SEPTIN10: variants seen among roughly 807,000 people sequenced by gnomAD.
SEPTIN10 encodes septin 10.
In SEPTIN10, 66 loss-of-function variants were observed where a neutral mutation model predicts 54.8. That is an observed-to-expected ratio of 1.21 (90% confidence interval 0.99 to 1.48). The LOEUF (loss-of-function observed/expected upper bound fraction) is 1.48. SEPTIN10 is among the 40% of genes most tolerant of loss of function. SEPTIN10 has a pLI of 0.00. For missense variants in SEPTIN10, 620 were observed against 545.6 expected (o/e 1.14, Z -1.36); for synonymous variants, 161 against 181.0 (o/e 0.89, Z 0.89).
intron 2 of SEPTIN10, 118 bp downstream of exon 2, chr2:109,592,933 G>C (rs993183816): frequency 3.8e-6 from 2 of 526,314 alleles, no homozygotes; most frequent in Non-Finnish European, 6.4e-6. Flanking sequence ...ATTCACGTTG[G>C]AGGTAAGTAC....
chr2:109,574,927 T>C (rs769032886), intron 4 of SEPTIN10, among the ~76,000 whole-genome samples, 160 bp from the exon 5 acceptor site: 2 of 152,244 alleles, frequency 1.3e-5, no homozygotes, highest in Non-Finnish European at 2.9e-5. Context: ...GTGCAGAACA[T>C]GCGCAAAAGC....
chr2:109,598,124 G>A (rs972058254), intron 1 of SEPTIN10, among the ~76,000 whole-genome samples: 3 of 152,016 alleles, frequency 2.0e-5, no homozygotes, highest in Non-Finnish European at 4.4e-5. Context: ...GTGCAATGGC[G>A]TGATCTCAGC....
intron 9 of SEPTIN10, among the ~76,000 whole-genome samples, chr2:109,549,736 T>C (rs912989152): frequency 6.6e-6 from 1 of 152,200 alleles, no homozygotes; most frequent in Non-Finnish European, 1.5e-5. Context: ...CCCTATGTTT[T>C]TTCCTATATA....
intron 6 of SEPTIN10, among the ~76,000 whole-genome samples, chr2:109,566,859 TAAA>T (rs1366214588): frequency 2.6e-5 from 4 of 152,198 alleles, no homozygotes; most frequent in African/African-American, 9.6e-5. Context: ...AAGTCTAATG[TAAA>T]AATTATTAAT....
chr2:109,567,232 A>G (rs1687244600), intron 6 of SEPTIN10, among the ~76,000 whole-genome samples: 1 of 152,202 alleles, frequency 6.6e-6, no homozygotes, highest in Non-Finnish European at 1.5e-5. Flanking sequence ...AGTAACTCCA[A>G]TGGACATATG....
intron 1 of SEPTIN10, among the ~76,000 whole-genome samples, chr2:109,607,667 G>A (rs1398233650): frequency 6.6e-6 from 1 of 151,884 alleles, no homozygotes; most frequent in Non-Finnish European, 1.5e-5. Context: ...CTCCTGAGGG[G>A]GTAATAATGA....
chr2:109,581,523 T>C (rs555245594), intron 4 of SEPTIN10, among the ~76,000 whole-genome samples: 1 of 148,296 alleles, frequency 6.7e-6, no homozygotes, highest in Non-Finnish European at 1.5e-5. Context: ...TAAAGAAAGG[T>C]CTGGGAAAAA....
chr2:109,564,442 G>A lies in SEPTIN10; in HGVS notation c.952C>T (p.His318Tyr). ...EDLREQTHTR[H>Y]YELYRRCKLE... ...TTGCAGCGCCTGTAAAGCTCATAGT[G>A]CCTGGTATGGGTCTGCTCTCGCAGG... Residue 318 changes from histidine (H) to tyrosine (Y), a missense_variant, in exon 8 of 11, where the codon CAC (histidine) becomes TAC (tyrosine). Coordinates refer to ENST00000397712, the MANE Select transcript of SEPTIN10 (RefSeq NM_144710.5). 1.3e-6 allele frequency: 2 copies of A among 1,598,862 alleles called. No homozygotes were observed. The highest frequency in any genetic ancestry group is 1.7e-6 in the Non-Finnish European group (2 of 1,170,604).
chr2:109,595,824 G>C (rs1289424985), intron 1 of SEPTIN10, among the ~76,000 whole-genome samples: 1 of 152,206 alleles, frequency 6.6e-6, no homozygotes, highest in Non-Finnish European at 1.5e-5. Context: ...AAGTGCCACA[G>C]ATAATATCTG....
At chr2:109,610,705 C>T (rs560681446) in intron 1 of SEPTIN10, among the ~76,000 whole-genome samples, 1 of 152,062 alleles carries the variant, frequency 6.6e-6, no homozygotes, top group East Asian at 1.9e-4. Flanking sequence ...GACAAAGCGA[C>T]ATTCCGTCTT....
intron 10 of SEPTIN10, chr2:109,545,321 A>T: frequency 2.0e-6 from 3 of 1,481,558 alleles, no homozygotes; most frequent in Non-Finnish European, 2.7e-6. Flanking sequence ...GTACAGAAGG[A>T]AATTATCAAA....
chr2:109,572,276 G>A (rs1469833528), intron 5 of SEPTIN10, among the ~76,000 whole-genome samples: 3 of 152,098 alleles, frequency 2.0e-5, no homozygotes, highest in East Asian at 1.9e-4. Flanking sequence ...GACTACTGGC[G>A]CATGCCACGA....
intron 6 of SEPTIN10, among the ~76,000 whole-genome samples, chr2:109,567,147 T>C (rs191399508): frequency 3.8e-4 from 58 of 152,296 alleles, no homozygotes; most frequent in Non-Finnish European, 5.6e-4. Flanking sequence ...GGTGACATCA[T>C]TTATCCCTCA....
At chr2:109,581,216 G>C (rs1487335853) in intron 4 of SEPTIN10, among the ~76,000 whole-genome samples, 3 of 152,104 alleles carry the variant, frequency 2.0e-5, no homozygotes. Flanking sequence ...GAGGTGGGCA[G>C]ATCACCTGAG....
chr2:109,591,560 C>T (rs901122411), intron 2 of SEPTIN10, among the ~76,000 whole-genome samples: 3 of 152,156 alleles, frequency 2.0e-5, no homozygotes, highest in African/African-American at 4.8e-5. Context: ...AAACAAGAGA[C>T]TACAGTTATT....
chr2:109,564,875 G>C (rs1686584659), intron 7 of SEPTIN10, among the ~76,000 whole-genome samples: 1 of 152,166 alleles, frequency 6.6e-6, no homozygotes, highest in South Asian at 2.1e-4. Flanking sequence ...AAACTATCCT[G>C]AAGACATTTC....
At chr2:109,613,501 C>T (rs1032883686) in intron 1 of SEPTIN10, 1 of 237,694 alleles carries the variant, frequency 4.2e-6, no homozygotes, top group Admixed American at 4.8e-5. Flanking sequence ...CCACAAACAC[C>T]GCTGTGGATG....
chr2:109,605,477 T>A (rs542075078), intron 1 of SEPTIN10: 29 of 149,536 alleles, frequency 1.9e-4, no homozygotes, highest in African/African-American at 6.6e-4. Context: ...TTTCAAAAAA[T>A]AATAATAAAT....
intron 9 of SEPTIN10, among the ~76,000 whole-genome samples, chr2:109,550,965 G>A (rs1682786406): frequency 6.6e-6 from 1 of 152,174 alleles, no homozygotes; most frequent in East Asian, 1.9e-4. Context: ...ATCAAATTGG[G>A]TAGTAATAAT....
Sources: allele counts gnomAD v4.1 joint callset (sites outside exome capture counted in the v4.1 genomes callset), GRCh38; gene constraint gnomAD v4.1.1; transcripts MANE v1.5; gene names NCBI Gene and HGNC (gene_info 2026-07-23, HGNC 2026-07-21).